MGLL: variants seen among roughly 807,000 people sequenced by gnomAD.
The protein encoded by MGLL is monoglyceride lipase.
Under a neutral mutation model 29.1 loss-of-function variants are expected in MGLL, and 7 were observed. That is an observed-to-expected ratio of 0.24 (90% CI 0.14 to 0.45). MGLL has a LOEUF of 0.45. Among genes scored for constraint, MGLL ranks in the 20% least tolerant of loss-of-function variants. The probability of loss-of-function intolerance (pLI) is 0.99; values close to 1 mark genes in which losing one functional copy is unlikely to be tolerated. For missense variants in MGLL, 356 were observed against 413.6 expected (o/e 0.86, Z 1.21); for synonymous variants, 148 against 168.3 (o/e 0.88, Z 0.93).
chr3:127,821,411 C>A (rs573105071), intron 2 of MGLL, among the ~76,000 whole-genome samples: 3 of 152,214 alleles, frequency 2.0e-5, no homozygotes, highest in African/African-American at 7.2e-5. Context: ...GAAATCAACT[C>A]CAGTACAAAA....
At chr3:127,750,263 C>T (rs1191363086) in intron 3 of MGLL, among the ~76,000 whole-genome samples, 1 of 152,094 alleles carries the variant, frequency 6.6e-6, no homozygotes. Flanking sequence ...GAGAAGGCAT[C>T]TGAGTGACAA....
Position 127,822,457 on chromosome 3 carries a change from C to A in MGLL, c.-139G>T. On this transcript the variant is annotated 5_prime_UTR_variant, in exon 1 of 8. The change creates a new upstream start codon in the 5' untranslated region. Transcript: ENST00000265052. ...CCCTCTTCCCGCACCCAGACCCTGC[C>A]TTTCGGGCTGGGGCGCTCAGCCGGG... The A allele has an allele frequency of 1.1e-6, 1 of 885,956 alleles. No individual in the cohort carries two copies. Among genetic ancestry groups the A allele is most frequent in the Non-Finnish European group, 1.8e-6 (1 of 548,872 alleles). 54.9% of individuals were successfully genotyped at this position (885,956 alleles called of 1,614,324 possible). A position where few individuals can be genotyped will look rare whatever the true frequency, so the allele number is the denominator to read the frequency against.
At chr3:127,821,245 T>A (rs2077854388) in intron 2 of MGLL, among the ~76,000 whole-genome samples, 1 of 152,154 alleles carries the variant, frequency 6.6e-6, no homozygotes, top group Non-Finnish European at 1.5e-5. Flanking sequence ...GGCCCCTTTC[T>A]TCCTGGTGAC....
chr3:127,770,018 C>T (rs1391535810), intron 3 of MGLL, among the ~76,000 whole-genome samples: 5 of 152,192 alleles, frequency 3.3e-5, no homozygotes, highest in African/African-American at 1.2e-4. Flanking sequence ...TCATAACTAT[C>T]CTCCCTTGTA....
intron 2 of MGLL, among the ~76,000 whole-genome samples, chr3:127,807,157 G>T (rs1247443774): frequency 1.3e-5 from 2 of 152,002 alleles, no homozygotes; most frequent in Admixed American, 1.3e-4. Flanking sequence ...TTTTGGTTTT[G>T]TTTTGCTTAC....
At chr3:127,767,066 C>T (rs1179255244) in intron 3 of MGLL, among the ~76,000 whole-genome samples, 1 of 30,470 alleles carries the variant, frequency 3.3e-5, no homozygotes, top group South Asian at 1.5e-3. Context: ...GAGTGAGACT[C>T]TATCAAAAAA....
rs35691902 is a variant in MGLL, at chr3:127,743,572, T to TAAAAAAAA, written c.263-21014_263-21007dup. ...ATCAGCCGACACATTCCACTAATGCTAAAAAAAAAAAAAAAAAAAAAAAAA... is the reference window on the plus strand; with the variant it reads ...ATCAGCCGACACATTCCACTAATGCTAAAAAAAAAAAAAAAAAAAAAAAAAAAAAAAAA... On this transcript the variant is annotated intron_variant, in intron 3 of 7. Transcript: ENST00000265052. 2.0e-4 allele frequency among the ~76,000 whole-genome samples: 8 copies of TAAAAAAAA among 40,720 alleles called. 1 individual carries two copies. The highest frequency in any genetic ancestry group is 8.3e-4 in the African/African-American group (7 of 8,466). 26.7% of individuals were successfully genotyped at this position (40,720 alleles called of 152,430 possible). A position where few individuals can be genotyped will look rare whatever the true frequency, so the allele number is the denominator to read the frequency against.
At chr3:127,754,598 G>A (rs1257608029) in intron 3 of MGLL, among the ~76,000 whole-genome samples, 1 of 152,222 alleles carries the variant, frequency 6.6e-6, no homozygotes, top group Admixed American at 6.5e-5. Context: ...GGCGGGCTGG[G>A]ATCCACAGCC....
At chr3:127,745,316 G>A (rs896158122) in intron 3 of MGLL, among the ~76,000 whole-genome samples, 3 of 152,206 alleles carry the variant, frequency 2.0e-5, no homozygotes, top group Admixed American at 6.5e-5. Flanking sequence ...ATAAACAGAT[G>A]GCTGGATAAA....
intron 3 of MGLL, among the ~76,000 whole-genome samples, chr3:127,738,282 CAGAGTG>C (rs1203940024): frequency 6.7e-6 from 1 of 149,512 alleles, no homozygotes; most frequent in Non-Finnish European, 1.5e-5. Flanking sequence ...GCCTGGGTGA[CAGAGTG>C]AGATTCTGTC....
chr3:127,730,313 C>G (rs1265221581), intron 3 of MGLL, among the ~76,000 whole-genome samples: 1 of 152,140 alleles, frequency 6.6e-6, no homozygotes, highest in East Asian at 1.9e-4. Flanking sequence ...ACGGCCCCCA[C>G]TGTTTGAGAA....
intron 2 of MGLL, chr3:127,783,941 A>C (rs968225465): frequency 1.3e-5 from 2 of 152,252 alleles, no homozygotes; most frequent in African/African-American, 4.8e-5. Context: ...CCCCTTTGGG[A>C]GCACAGCCAC....
At chr3:127,694,289 ATATATAT>A (rs2075307661) in intron 7 of MGLL, among the ~76,000 whole-genome samples, 1 of 85,690 alleles carries the variant, frequency 1.2e-5, no homozygotes, top group Non-Finnish European at 2.5e-5. Context: ...AAAAAAAAAT[ATATATAT>A]ATATATATAT....
intron 3 of MGLL, among the ~76,000 whole-genome samples, chr3:127,776,596 C>T (rs2077040999): frequency 6.6e-6 from 1 of 152,158 alleles, no homozygotes; most frequent in Non-Finnish European, 1.5e-5. Flanking sequence ...GAGCTGCGGG[C>T]CTTGTGGCGC....
intron 3 of MGLL, among the ~76,000 whole-genome samples, chr3:127,743,396 T>G (rs1205113640): frequency 6.6e-6 from 1 of 152,098 alleles, no homozygotes; most frequent in African/African-American, 2.4e-5. Flanking sequence ...GTTTGTTTTC[T>G]ATGCTCCTGC....
chr3:127,800,094 CT>C (rs1265257403), intron 2 of MGLL, among the ~76,000 whole-genome samples: 1 of 152,186 alleles, frequency 6.6e-6, no homozygotes, highest in Non-Finnish European at 1.5e-5. Context: ...TTGCCTTAGA[CT>C]TGCTCTTTCT....
intron 3 of MGLL, among the ~76,000 whole-genome samples, chr3:127,741,520 C>T (rs754681473): frequency 2.0e-5 from 3 of 152,210 alleles, no homozygotes; most frequent in Admixed American, 6.5e-5. Context: ...TAGGACACCA[C>T]GATGCGTGTG....
At chr3:127,814,785 T>C (rs2077726414) in intron 2 of MGLL, among the ~76,000 whole-genome samples, 1 of 152,220 alleles carries the variant, frequency 6.6e-6, no homozygotes, top group Admixed American at 6.5e-5. Flanking sequence ...TGAAGAGTAT[T>C]TTTAAAAAGC....
At chr3:127,798,120 AACAGTCAAAG>A (rs1450316927) in intron 2 of MGLL, among the ~76,000 whole-genome samples, 1 of 152,214 alleles carries the variant, frequency 6.6e-6, no homozygotes, top group African/African-American at 2.4e-5. Context: ...TGTACCTACT[AACAGTCAAAG>A]ACACAGAGCA....
Sources: gnomAD v4.1 joint callset for allele counts (sites outside exome capture counted in the v4.1 genomes callset) on GRCh38, gnomAD v4.1.1 for gene constraint, MANE v1.5 for transcripts, NCBI Gene and HGNC (gene_info 2026-07-23, HGNC 2026-07-21) for gene names.